Variants in TCF12 observed in about 807,000 individuals in gnomAD.
The protein encoded by TCF12 is transcription factor 12, also known as DNA-binding protein HTF4.
Under a neutral mutation model 86.0 loss-of-function variants are expected in TCF12, and 45 were observed. The observed-to-expected ratio is 0.52, with a 90% CI of 0.41 to 0.67. TCF12 has a LOEUF of 0.67. Ranked by LOEUF, TCF12 falls within the 30% of genes least tolerant of loss-of-function variation. The probability of loss-of-function intolerance (pLI) is 0.00; values close to 1 mark genes in which losing one functional copy is unlikely to be tolerated. For missense variants in TCF12, 881 were observed against 859.9 expected, an observed-to-expected ratio of 1.02 and a Z score of -0.31; for synonymous variants, 330 against 299.6, an observed-to-expected ratio of 1.10 and a Z score of -1.05.
chr15:57,225,933 A>G (rs539045001), intron 8 of TCF12, among the ~76,000 whole-genome samples: 5 of 151,950 alleles, frequency 3.3e-5, no homozygotes, highest in Admixed American at 2.6e-4. Flanking sequence ...ATATGTATAC[A>G]TGTGCCATGT....
At chr15:57,177,441 T>C (rs901842829) in intron 6 of TCF12, among the ~76,000 whole-genome samples, 4 of 151,830 alleles carry the variant, frequency 2.6e-5, no homozygotes, top group Non-Finnish European at 4.4e-5. Context: ...AGATAACTTT[T>C]TGTATTTTCG....
intron 3 of TCF12, among the ~76,000 whole-genome samples, chr15:57,005,369 T>C (rs938528439): frequency 2.0e-5 from 3 of 152,132 alleles, no homozygotes; most frequent in Non-Finnish European, 2.9e-5. Context: ...TATATGATTG[T>C]GGTATTTTTT....
intron 4 of TCF12, among the ~76,000 whole-genome samples, chr15:57,078,959 T>C (rs1333851057): frequency 6.6e-6 from 1 of 152,246 alleles, no homozygotes; most frequent in African/African-American, 2.4e-5. Flanking sequence ...CCTTTTGTTA[T>C]CAAAGTAATG....
chr15:57,236,846 G>GA (rs532267942), intron 12 of TCF12, among the ~76,000 whole-genome samples: 88 of 135,078 alleles, frequency 6.5e-4, no homozygotes, highest in East Asian at 1.5e-3. Context: ...TAAAAAAAAA[G>GA]AAAAAAAAAA....
chr15:57,103,368 A>T (rs1228719841), intron 5 of TCF12, among the ~76,000 whole-genome samples: 1 of 152,214 alleles, frequency 6.6e-6, no homozygotes, highest in African/African-American at 2.4e-5. Context: ...TTTCAACTTA[A>T]GGCTGTCTTC....
At chr15:57,076,647 A>AAG (rs2070078136) in intron 4 of TCF12, among the ~76,000 whole-genome samples, 2 of 151,856 alleles carry the variant, frequency 1.3e-5, no homozygotes, top group Admixed American at 1.3e-4. Context: ...TCAAAAAAAA[A>AAG]AAAAAGAAAA....
chr15:57,129,210 T>G (rs2051916198), intron 5 of TCF12, among the ~76,000 whole-genome samples: 1 of 152,244 alleles, frequency 6.6e-6, no homozygotes, highest in Non-Finnish European at 1.5e-5. Context: ...TCCTTTTATT[T>G]TAGCCATCTT....
At chr15:57,191,872 C>A (rs956383411) in intron 6 of TCF12, among the ~76,000 whole-genome samples, 1 of 150,592 alleles carries the variant, frequency 6.6e-6, no homozygotes, top group Non-Finnish European at 1.5e-5. Flanking sequence ...AGGCAGAGGT[C>A]GCAGTGAGCT....
intron 6 of TCF12, among the ~76,000 whole-genome samples, chr15:57,184,317 A>C (rs559330562): frequency 6.6e-6 from 1 of 152,304 alleles, no homozygotes; most frequent in Admixed American, 6.5e-5. Context: ...AAGTATTTTC[A>C]AAAACAGACC....
intron 6 of TCF12, among the ~76,000 whole-genome samples, chr15:57,181,867 C>T (rs2056374416): frequency 6.6e-6 from 1 of 152,018 alleles, no homozygotes; most frequent in Non-Finnish European, 1.5e-5. Context: ...TGGGGGATAA[C>T]CCTTTATTAA....
chr15:57,216,667 A>C (rs1276369577), intron 8 of TCF12, among the ~76,000 whole-genome samples: 1 of 151,942 alleles, frequency 6.6e-6, no homozygotes. Flanking sequence ...TCTCCTTAGG[A>C]CAAGAAATTG....
intron 5 of TCF12, among the ~76,000 whole-genome samples, chr15:57,151,806 A>C (rs1331623781): frequency 6.6e-6 from 1 of 151,916 alleles, no homozygotes; most frequent in African/African-American, 2.4e-5. Flanking sequence ...CAAACTTTTA[A>C]CTTTTTTGAA....
chr15:56,995,198 A>G (rs1366167424), intron 3 of TCF12, among the ~76,000 whole-genome samples: 3 of 135,372 alleles, frequency 2.2e-5, no homozygotes, highest in African/African-American at 8.3e-5. Flanking sequence ...GTAGCCTTGT[A>G]CAGTTTGAAG....
At chr15:57,224,800 G>A (rs2058789962) in intron 8 of TCF12, among the ~76,000 whole-genome samples, 1 of 152,080 alleles carries the variant, frequency 6.6e-6, no homozygotes, top group Admixed American at 6.5e-5. Flanking sequence ...ATCTTCCGTG[G>A]AGATGGCTTG....
At chr15:56,927,907 A>G (rs2060085686) in intron 3 of TCF12, among the ~76,000 whole-genome samples, 2 of 152,196 alleles carry the variant, frequency 1.3e-5, no homozygotes, top group Admixed American at 6.5e-5. Context: ...GCATTATGAC[A>G]TTTGGAGCAC....
intron 3 of TCF12, among the ~76,000 whole-genome samples, chr15:56,982,227 G>C (rs2062928779): frequency 6.6e-6 from 1 of 152,140 alleles, no homozygotes; most frequent in Admixed American, 6.6e-5. Context: ...AAAGAATAAA[G>C]TAGGTAAAGA....
rs1597917788 is a variant in TCF12 at position 57,284,496 on chromosome 15, C to T, written c.*12-1661C>T. ...AAGTGCTGGCGTTACAGGCGTGAGCCGCTGAGCCCGGCCAAAAAATTAACT... is the reference window on the plus strand; with the variant it reads ...AAGTGCTGGCGTTACAGGCGTGAGCTGCTGAGCCCGGCCAAAAAATTAACT... On this transcript the variant is annotated intron_variant, in intron 20 of 20. Transcript: ENST00000333725. 2.0e-5 allele frequency among the ~76,000 whole-genome samples: 3 copies of T among 152,286 alleles called. No homozygotes were observed. In the East Asian group the frequency reaches 5.8e-4, roughly 29 times the overall value.
chr15:56,984,001 C>CAAAAAA (rs71113046), intron 3 of TCF12, among the ~76,000 whole-genome samples: 13,312 of 43,024 alleles, frequency 0.31, 3,013 homozygotes, highest in Middle Eastern at 0.48. Context: ...GACCCTGTCT[C>CAAAAAA]AAAAAAAAAA....
At chr15:57,109,836 G>A (rs1022452524) in intron 5 of TCF12, among the ~76,000 whole-genome samples, 2 of 152,110 alleles carry the variant, frequency 1.3e-5, no homozygotes, top group Admixed American at 6.5e-5. Context: ...TATTAAGTCA[G>A]CCATGAAGAT....
Sources: allele counts gnomAD v4.1 joint callset (sites outside exome capture counted in the v4.1 genomes callset), GRCh38; gene constraint gnomAD v4.1.1; transcripts MANE v1.5; gene names NCBI Gene and HGNC (gene_info 2026-07-23, HGNC 2026-07-21).